ANKAR: variants seen among roughly 807,000 people sequenced by gnomAD.
The protein encoded by ANKAR is ankyrin and armadillo repeat containing.
In ANKAR, 136 loss-of-function variants were observed where a neutral mutation model predicts 146.2. That is an observed-to-expected ratio of 0.93 (90% confidence interval 0.81 to 1.07). The LOEUF (loss-of-function observed/expected upper bound fraction) is 1.07, where lower values mean the gene tolerates loss of function less well. ANKAR is among the 50% of genes least tolerant of loss of function. ANKAR has a pLI of 0.00. For missense variants in ANKAR, 1,567 were observed against 1,679.9 expected, an observed-to-expected ratio of 0.93 and a Z score of 1.18; for synonymous variants, 500 against 575.8, an observed-to-expected ratio of 0.87 and a Z score of 1.88.
At chr2:189,699,088 C>T (rs988845146) in intron 7 of ANKAR, among the ~76,000 whole-genome samples, 2 of 152,206 alleles carry the variant, frequency 1.3e-5, no homozygotes, top group Non-Finnish European at 2.9e-5. Flanking sequence ...AGTTTCCTAA[C>T]ACCCAGAAAA....
At chr2:189,745,029 A>ACT (rs57298761) in intron 22 of ANKAR, among the ~76,000 whole-genome samples, 34,875 of 148,302 alleles carry the variant, frequency 0.24, 4,779 homozygotes, top group African/African-American at 0.33. Context: ...TACTACTACT[A>ACT]ATAATACAAA....
chr2:189,729,048 G>A (rs1574669090), intron 15 of ANKAR, among the ~76,000 whole-genome samples: 1 of 152,146 alleles, frequency 6.6e-6, no homozygotes, highest in Non-Finnish European at 1.5e-5. Flanking sequence ...ACAATGGCTA[G>A]AAAGGAAAAT....
intron 12 of ANKAR, 69 bp downstream of exon 12, chr2:189,720,856 C>T (rs2041156854): frequency 1.6e-6 from 2 of 1,264,764 alleles, no homozygotes; most frequent in East Asian, 2.8e-5. Flanking sequence ...TGGGATTGGA[C>T]TTGTCCTATA....
In ANKAR at chr2:189,736,502, T is replaced by TTTTTTTTTGTGTG. The variant is rs1422561376; in HGVS notation, c.3424-1180_3424-1179insTTTTTTTGTGTGT. Among the ~76,000 whole-genome samples the TTTTTTTTTGTGTG allele has an allele frequency of 2.2e-3, 307 of 142,062 alleles. 30 individuals are homozygous for TTTTTTTTTGTGTG. The highest frequency in any genetic ancestry group is 7.4e-3 in the African/African-American group (289 of 39,128). The allele number at this position is 142,062 out of a possible 152,430, so 93.2% of individuals were successfully genotyped here. ...TTTTGCCTATTTAGGTGACTGGGTTTTGTGTGTGTGTGTGTGTGTGTGTGT... is the reference window on the plus strand; with the variant it reads ...TTTTGCCTATTTAGGTGACTGGGTTTTTTTTTTTGTGTGTGTGTGTGTGTGTGTGTGTGTGTGT... On this transcript the variant is annotated intron_variant, in intron 17 of 22. Coordinates refer to ENST00000684021, the MANE Select transcript of ANKAR (RefSeq NM_001378068.1).
intron 18 of ANKAR, chr2:189,755,047 A>C (rs916434672): frequency 3.7e-5 from 42 of 1,147,446 alleles, no homozygotes; most frequent in Non-Finnish European, 4.8e-5. Context: ...ACCATATGTG[A>C]ATTTTTTTCA....
At chr2:189,681,017 G>A (rs1315244367) in intron 2 of ANKAR, among the ~76,000 whole-genome samples, 4 of 152,058 alleles carry the variant, frequency 2.6e-5, no homozygotes, top group African/African-American at 7.2e-5. Flanking sequence ...ACATTCTGAC[G>A]AAATTGTGTT....
intron 10 of ANKAR, among the ~76,000 whole-genome samples, chr2:189,717,367 C>T (rs1478829934): frequency 1.3e-5 from 2 of 152,102 alleles, no homozygotes; most frequent in Non-Finnish European, 2.9e-5. Flanking sequence ...CAGAGAAATG[C>T]AAATCAAAAC....
In ANKAR at chr2:189,728,564, A is replaced by G. The variant is rs544492670; in HGVS notation, c.3032-96A>G. On this transcript the variant is annotated intron_variant, in intron 14 of 22. Coordinates refer to ENST00000684021, the MANE Select transcript of ANKAR (RefSeq NM_001378068.1). ...GTGATCCTCTTGCCTCAGCCTCCCA[A>G]GTAGCTGGGATTACAAGTGTCAGCC... The G allele has an allele frequency of 4.3e-4, 637 of 1,498,692 alleles. 8 individuals carry two copies. In the South Asian group the frequency reaches 6.7e-3, roughly 16 times the overall value. The allele number at this position is 1,498,692 out of a possible 1,614,324, so 92.8% of individuals were successfully genotyped here.
intron 7 of ANKAR, among the ~76,000 whole-genome samples, chr2:189,698,100 TA>T (rs1436369875): frequency 1.3e-5 from 2 of 152,052 alleles, no homozygotes; most frequent in African/African-American, 2.4e-5. Flanking sequence ...AAAGTAGAGG[TA>T]AAAAAGGAAA....
At chr2:189,751,974 A>T (rs757742044) in intron 18 of ANKAR, among the ~76,000 whole-genome samples, 5 of 151,190 alleles carry the variant, frequency 3.3e-5, no homozygotes, top group Non-Finnish European at 7.4e-5. Flanking sequence ...GGCAAAACCC[A>T]AAAACTAAAA....
downstream of ANKAR, among the ~76,000 whole-genome samples, chr2:189,748,486 A>G (rs954553740): frequency 2.0e-5 from 3 of 152,224 alleles, no homozygotes; most frequent in African/African-American, 7.2e-5. Context: ...GGCCTCCCAA[A>G]GCATTAGGAT....
intron 2 of ANKAR, among the ~76,000 whole-genome samples, chr2:189,678,062 A>G (rs554109364): frequency 6.6e-6 from 1 of 152,318 alleles, no homozygotes; most frequent in South Asian, 2.1e-4. Context: ...TCCCACCAGC[A>G]GTGTAAGTAT....
At chr2:189,757,661 C>T (rs1574898910) in intron 18 of ANKAR, among the ~76,000 whole-genome samples, 1 of 152,196 alleles carries the variant, frequency 6.6e-6, no homozygotes, top group Non-Finnish European at 1.5e-5. Flanking sequence ...TAGTAAATGG[C>T]TGAACCAGAA....
intron 3 of ANKAR, 52 bp downstream of exon 3, chr2:189,690,016 A>G (rs1205522477): frequency 7.8e-7 from 1 of 1,285,002 alleles, no homozygotes; most frequent in Non-Finnish European, 1.0e-6. Context: ...TATTAAATAT[A>G]TGTTTAAATG....
At chr2:189,761,465 T>C (rs1323138826), downstream of ANKAR, 1 of 1,612,732 alleles carries the variant, frequency 6.2e-7, no homozygotes, top group South Asian at 1.1e-5. Flanking sequence ...TCCCAACACA[T>C]TTCCAGTTTC....
In ANKAR at chr2:189,722,887, A is replaced by G. The variant is rs186590729; in HGVS notation, c.2635+2100A>G. ...CAGAGAGAGACACTGTCTAAAAAAAAAAAAAAGAAAAGAAAACTATAGTAT... is the reference window on the plus strand; with the variant it reads ...CAGAGAGAGACACTGTCTAAAAAAAGAAAAAAGAAAAGAAAACTATAGTAT... On this transcript the variant is annotated intron_variant, in intron 12 of 22. Coordinates refer to ENST00000684021, the MANE Select transcript of ANKAR (RefSeq NM_001378068.1). 3.4e-3 allele frequency among the ~76,000 whole-genome samples: 522 copies of G among 152,142 alleles called. 4 individuals carry two copies. Among genetic ancestry groups the G allele is most frequent in the South Asian group, 0.014 (66 of 4,820 alleles).
At chr2:189,689,314 G>A (rs2036076698) in intron 2 of ANKAR, among the ~76,000 whole-genome samples, 1 of 152,138 alleles carries the variant, frequency 6.6e-6, no homozygotes, top group Admixed American at 6.5e-5. Context: ...TAGTTTTTAA[G>A]GTTTCTTTGG....
rs1461107451 is a variant in ANKAR at position 189,702,737 on chromosome 2, T to C, written c.1709-2286T>C. ...CAGATTTTATAGACTATTAAGGCTA[T>C]AATATCAAGCTCCCACTATGAAGGC... On this transcript the variant is annotated intron_variant, in intron 7 of 22. Coordinates refer to ENST00000684021, the MANE Select transcript of ANKAR (RefSeq NM_001378068.1). Among the ~76,000 whole-genome samples, 7 of 152,320 alleles carry C rather than the reference T, an allele frequency of 4.6e-5. No individual in the cohort carries two copies. In the South Asian group the frequency reaches 1.0e-3, roughly 23 times the overall value.
intron 12 of ANKAR, among the ~76,000 whole-genome samples, chr2:189,722,264 G>A (rs1438696639): frequency 6.6e-6 from 1 of 150,998 alleles, no homozygotes; most frequent in East Asian, 2.0e-4. Context: ...GCCTGAACCC[G>A]AGAGGCGGAG....
Sources: gnomAD v4.1 joint callset for allele counts (sites outside exome capture counted in the v4.1 genomes callset) on GRCh38, gnomAD v4.1.1 for gene constraint, MANE v1.5 for transcripts, NCBI Gene and HGNC (gene_info 2026-07-23, HGNC 2026-07-21) for gene names.